Variants in SLC4A11 observed in about 807,000 individuals in gnomAD.
SLC4A11 encodes bicarbonate transporter related protein 1.
In SLC4A11, 74 loss-of-function variants were observed where a neutral mutation model predicts 95.0. That is an observed-to-expected ratio of 0.78 (90% CI 0.65 to 0.95). The LOEUF is 0.95. SLC4A11 is among the 40% of genes least tolerant of loss of function. The pLI, the probability that SLC4A11 is intolerant of heterozygous loss-of-function variation, is 0.00. For missense variants in SLC4A11, 1,081 were observed against 1,192.4 expected, an observed-to-expected ratio of 0.91 and a Z score of 1.38; for synonymous variants, 548 against 519.0, an observed-to-expected ratio of 1.06 and a Z score of -0.76.
At chr20:3,237,013 A>G (rs1287152747) in intron 2 of SLC4A11, among the ~76,000 whole-genome samples, 1 of 152,088 alleles carries the variant, frequency 6.6e-6, no homozygotes, top group African/African-American at 2.4e-5. Flanking sequence ...GTGTCTACGC[A>G]CTGCTCTACA....
chr20:3,229,039 A>G (rs1162527690), intron 16 of SLC4A11, 28 bp from the exon 17 acceptor site: 1 of 1,605,104 alleles, frequency 6.2e-7, no homozygotes, highest in African/African-American at 1.3e-5. Flanking sequence ...TCGTGGACAG[A>G]GCCCCACAGC....
upstream of SLC4A11, chr20:3,239,292 C>A: frequency 8.5e-7 from 1 of 1,179,112 alleles, no homozygotes; most frequent in South Asian, 4.0e-5. Context: ...CGCGCCCGGG[C>A]GCGGTAGGCA....
chr20:3,234,193 G>C lies in SLC4A11; in HGVS notation c.413C>G (p.Thr138Ser), dbSNP rs376012711. 1 of 1,614,024 alleles carries C rather than the reference G, an allele frequency of 6.2e-7. No homozygotes were observed. ...TATSLDNVLRTMLRRFARDPD... is the reference protein window; with the variant it reads ...TATSLDNVLRSMLRRFARDPD... ...GTCCCTGGCGAAGCGGCGAAGCATG[G>C]TCCGCAGCACGTTATCCAGGGAGGT... Residue 138 changes from threonine (T) to serine (S), a missense_variant, in exon 5 of 20, where the codon ACC becomes AGC. Around this residue, in one of 3 missense-constraint regions of SLC4A11, gnomAD observed 310 missense variants for 313.5 expected, o/e 0.99. Coordinates refer to ENST00000642402, the MANE Select transcript of SLC4A11 (RefSeq NM_001174089.2). The surrounding 1 kb of genome is among the most constrained non-coding windows in gnomAD (Gnocchi z 5.8).
chr20:3,235,983 G>T (rs2067969210), intron 2 of SLC4A11, among the ~76,000 whole-genome samples: 2 of 152,066 alleles, frequency 1.3e-5, no homozygotes, highest in Non-Finnish European at 1.5e-5. Flanking sequence ...TGTCTTGTGG[G>T]TCCCCTAAGG....
At chr20:3,236,956 A>ACAGAGCCC (rs2068000849) in intron 2 of SLC4A11, among the ~76,000 whole-genome samples, 1 of 152,108 alleles carries the variant, frequency 6.6e-6, no homozygotes, top group Admixed American at 6.5e-5. Flanking sequence ...AGCCTAGCAC[A>ACAGAGCCC]CAGAGCCCCA....
At position 3,231,319 on chromosome 20, in the gene SLC4A11, C is replaced by T; in HGVS notation, c.948+11G>A. 6.2e-7 allele frequency: 1 copy of T among 1,613,790 alleles called. No homozygotes were observed. The highest frequency in any genetic ancestry group is 1.1e-5 in the South Asian group (1 of 91,084). ...CGACCCTGCCGGCCCCCGCCGGCCT[C>T]TACCCTGTACCTCTGGGTGTCTGTG... On this transcript the variant is annotated intron_variant, in intron 8 of 19. Transcript: ENST00000642402. This position sits in a 1 kb window ranked among gnomAD's most constrained non-coding sequence, Gnocchi z 5.2.
chr20:3,232,585 T>C (rs983672391), intron 7 of SLC4A11, among the ~76,000 whole-genome samples: 4 of 152,146 alleles, frequency 2.6e-5, no homozygotes, highest in African/African-American at 9.7e-5. Flanking sequence ...TGGTGGCGGG[T>C]GCCTGTAGTC....
At chr20:3,239,023 G>T in intron 1 of SLC4A11, 72 bp downstream of exon 1, 2 of 1,445,266 alleles carry the variant, frequency 1.4e-6, no homozygotes, top group Non-Finnish European at 1.8e-6. Context: ...GTTCTCCCCG[G>T]GGTCCCCGAC....
chr20:3,235,835 C>G (rs1255652706), intron 2 of SLC4A11, among the ~76,000 whole-genome samples: 2 of 152,120 alleles, frequency 1.3e-5, no homozygotes, highest in Non-Finnish European at 2.9e-5. Flanking sequence ...CGGTCAGCAC[C>G]CTAGGCATGC....
rs200805194 is a variant in SLC4A11 at position 3,231,266 on chromosome 20, G to A, written c.949-24C>T. The stretch of plus-strand genomic sequence containing the variant: ...GGCTGGAGGAGAGGACAGAGCGCCT[G>A]TTAGCCCTGTCCGGCCCATGCCCCC... On this transcript the variant is annotated intron_variant, in intron 8 of 19. Transcript: ENST00000642402. This position sits in a 1 kb window ranked among gnomAD's most constrained non-coding sequence, Gnocchi z 5.2. 18 of 1,613,432 alleles carry A rather than the reference G, an allele frequency of 1.1e-5. No individual in the cohort carries two copies. The East Asian group carries it at 3.8e-4, about 34-fold the overall frequency.
rs1295194870 is a variant in SLC4A11 at position 3,234,082 on chromosome 20, C to A, written c.523+1G>T. 1 of 1,613,926 alleles carries A rather than the reference C, an allele frequency of 6.2e-7. No homozygotes were observed. Among genetic ancestry groups the A allele is most frequent in the South Asian group, 1.1e-5 (1 of 91,084 alleles). The stretch of plus-strand genomic sequence containing the variant: ...CGCCCGGGCCGGGAGACCGGCCTCA[C>A]CTTTACCCCGCATGGGTGCCCCGGC... On this transcript the variant is annotated splice_donor_variant, in intron 5 of 19. Transcript: ENST00000642402. LOFTEE classifies it high-confidence loss of function. This position sits in a 1 kb window ranked among gnomAD's most constrained non-coding sequence, Gnocchi z 5.8.
Position 3,231,554 on chromosome 20 carries a change from G to A in SLC4A11, c.730-6C>T. The A allele has an allele frequency of 6.2e-7, 1 of 1,610,146 alleles. No individual in the cohort carries two copies. Among genetic ancestry groups the A allele is most frequent in the Non-Finnish European group, 8.5e-7 (1 of 1,178,790 alleles). ...ATCGCAGTCTTAGTGCTTTTCTAGG[G>A]GTGGAGGATGGGAGTCACCCCTAGA... On this transcript the variant is annotated splice_region_variant and splice_polypyrimidine_tract_variant and intron_variant, in intron 7 of 19. Transcript: ENST00000642402. This position sits in a 1 kb window ranked among gnomAD's most constrained non-coding sequence, Gnocchi z 5.2.
At position 3,234,415 on chromosome 20, in the gene SLC4A11, C is replaced by A. The variant is rs1288186256; in HGVS notation, c.292-101G>T. Reference sequence around the variant, plus strand: ...CCAGCCGCAGCAGTCCAGCCCCCAGCCCCCAGCCCCCAGCCCTGGGCTGGT... The same window carrying A: ...CCAGCCGCAGCAGTCCAGCCCCCAGACCCCAGCCCCCAGCCCTGGGCTGGT... On this transcript the variant is annotated intron_variant, in intron 4 of 19. Coordinates refer to ENST00000642402, the MANE Select transcript of SLC4A11 (RefSeq NM_001174089.2). The surrounding 1 kb of genome is among the most constrained non-coding windows in gnomAD (Gnocchi z 5.8). 6 of 1,478,128 alleles carry A rather than the reference C, an allele frequency of 4.1e-6. No homozygotes were observed. The African/African-American group carries it at 5.7e-5, about 14-fold the overall frequency. The allele number at this position is 1,478,128 out of a possible 1,614,324, so 91.6% of individuals were successfully genotyped here.
rs761616295 is a variant in SLC4A11, at chr20:3,231,109, C to T, written c.1042+40G>A. ...GTTTGCTGGGGATGCAGGACAGGCA[C>T]ACGTGTGGGCCCAAGGCCTGGAAAG... On this transcript the variant is annotated intron_variant, in intron 9 of 19. Transcript: ENST00000642402. The surrounding 1 kb of genome is among the most constrained non-coding windows in gnomAD (Gnocchi z 5.2). 1 of 1,614,132 alleles carries T rather than the reference C, an allele frequency of 6.2e-7. No individual in the cohort carries two copies. The highest frequency in any genetic ancestry group is 1.1e-5 in the South Asian group (1 of 91,088).
intron 2 of SLC4A11, among the ~76,000 whole-genome samples, chr20:3,235,309 T>TCTCACA (rs1318815472): frequency 4.4e-4 from 54 of 123,610 alleles, no homozygotes; most frequent in African/African-American, 1.5e-3. Flanking sequence ...TCTCTCTCTC[T>TCTCACA]CACACACACA....
Position 3,227,704 on chromosome 20 carries a change from A to C in SLC4A11, c.*83T>G. 1 of 1,456,160 alleles carries C rather than the reference A, an allele frequency of 6.9e-7. No homozygotes were observed. The highest frequency in any genetic ancestry group is 9.5e-7 in the Non-Finnish European group (1 of 1,052,114). The allele number at this position is 1,456,160 out of a possible 1,614,324, so 90.2% of individuals were successfully genotyped here. On this transcript the variant is annotated 3_prime_UTR_variant, in exon 20 of 20. Coordinates refer to ENST00000642402, the MANE Select transcript of SLC4A11 (RefSeq NM_001174089.2). ...CGCAGCACAGAGCAGTCACCCACACACCTACACCTCCCCTCACAGCTCCAG... is the reference window on the plus strand; with the variant it reads ...CGCAGCACAGAGCAGTCACCCACACCCCTACACCTCCCCTCACAGCTCCAG...
rs768600586 is a variant in SLC4A11, at chr20:3,229,428, T to G, written c.1767A>C (p.Arg589=). Residue 589 remains arginine, a synonymous_variant, in exon 15 of 20, where the codon CGA becomes CGC. Transcript: ENST00000642402. ...KKSPYLHPCV[R]EILSDCALPI... ...GCAGGGCGCAGTCGGACAGGATCTC[T>G]CGCACGCAGGGGTGCAGGTAGGGGC... 1.9e-6 allele frequency: 3 copies of G among 1,613,212 alleles called. No homozygotes were observed. The highest frequency in any genetic ancestry group is 1.7e-4 in the Middle Eastern group (1 of 6,058).
chr20:3,239,296 G>A, upstream of SLC4A11: 1 of 1,179,478 alleles, frequency 8.5e-7, no homozygotes, highest in Non-Finnish European at 1.0e-6. Context: ...CCCGGGCGCG[G>A]TAGGCAGAGC....
Position 3,237,864 on chromosome 20 carries a change from A to G in SLC4A11, c.44-276T>C, listed in dbSNP as rs533432477. The G allele has an allele frequency of 7.9e-5, 123 of 1,551,518 alleles. No homozygotes were observed. The African/African-American group carries it at 1.6e-3, about 20-fold the overall frequency. On this transcript the variant is annotated intron_variant, in intron 1 of 19. Transcript: ENST00000642402. ...GGCGAGGAGGAGAGACGTTCCAGGG[A>G]TGTCTTCCCACCGAGTTAGTACCAG...
Sources: allele counts gnomAD v4.1 joint callset (sites outside exome capture counted in the v4.1 genomes callset), GRCh38; gene constraint gnomAD v4.1.1; regional missense constraint gnomAD v4.1.1; non-coding constraint Gnocchi (gnomAD v3.1); transcripts MANE v1.5; gene names NCBI Gene and HGNC (gene_info 2026-07-23, HGNC 2026-07-21).